GNG4: variants seen among roughly 807,000 people sequenced by gnomAD.
The protein encoded by GNG4 is guanine nucleotide-binding protein G(I)/G(S)/G(O) subunit gamma-4.
Under a neutral mutation model 5.8 loss-of-function variants are expected in GNG4, and 4 were observed. The observed-to-expected ratio is 0.69, with a 90% CI of 0.34 to 1.57. GNG4 has a LOEUF of 1.57. GNG4 is among the 40% of genes most tolerant of loss of function. GNG4 has a pLI of 0.06. For synonymous variants in GNG4, 29 were observed against 32.9 expected, an observed-to-expected ratio of 0.88 and a Z score of 0.41; for missense variants, 96 against 95.1, an observed-to-expected ratio of 1.01 and a Z score of -0.04.
chr1:235,587,607 G>GTGTGTGTGA (rs1558486363), intron 2 of GNG4, among the ~76,000 whole-genome samples: 1 of 636 alleles, frequency 1.6e-3, no homozygotes, highest in African/African-American at 6.2e-3. Context: ...GGGAGGGCAT[G>GTGTGTGTGA]GGGTGGGGTG....
chr1:235,589,310 C>T lies in GNG4; in HGVS notation c.-10-5462G>A, dbSNP rs1243361401. ...AGCCAGGGCACAGCACAGTTCAGCT[C>T]GTGCCCAGAGAGAGAAAGAGTTAAG... On this transcript the variant is annotated intron_variant, in intron 2 of 3. Transcript: ENST00000391854. Among the ~76,000 whole-genome samples, 4 of 152,082 alleles carry T rather than the reference C, an allele frequency of 2.6e-5. No homozygotes were observed. In the South Asian group the frequency reaches 8.3e-4, roughly 32 times the overall value.
intron 1 of GNG4, among the ~76,000 whole-genome samples, chr1:235,598,496 C>A (rs1014085500): frequency 2.0e-5 from 3 of 152,156 alleles, no homozygotes; most frequent in African/African-American, 7.2e-5. Context: ...GTGATCCCAG[C>A]TATTCAGGAG....
chr1:235,559,358 C>T (rs537703759), intron 3 of GNG4, among the ~76,000 whole-genome samples: 5 of 152,268 alleles, frequency 3.3e-5, no homozygotes, highest in African/African-American at 9.6e-5. Flanking sequence ...TCAGTGGGAT[C>T]CTGGGGACAT....
At chr1:235,587,602 G>A (rs1558486341) in intron 2 of GNG4, among the ~76,000 whole-genome samples, 40 of 124,268 alleles carry the variant, frequency 3.2e-4, no homozygotes, top group Non-Finnish European at 3.8e-4. Context: ...AGTGTGGGAG[G>A]GCATGGGGTG....
At chr1:235,622,713 T>C (rs2102977560) in intron 1 of GNG4, among the ~76,000 whole-genome samples, 1 of 151,988 alleles carries the variant, frequency 6.6e-6, no homozygotes, top group East Asian at 1.9e-4. Context: ...AAACCCCGTC[T>C]CTACTAAAAA....
intron 1 of GNG4, among the ~76,000 whole-genome samples, chr1:235,600,923 C>G (rs1017654306): frequency 1.4e-4 from 21 of 152,206 alleles, no homozygotes; most frequent in Non-Finnish European, 2.6e-4. Flanking sequence ...CTTCTGTGCC[C>G]CCATTGCCAA....
chr1:235,582,478 C>A (rs992903283), intron 3 of GNG4, among the ~76,000 whole-genome samples: 1 of 152,232 alleles, frequency 6.6e-6, no homozygotes, highest in Non-Finnish European at 1.5e-5. Flanking sequence ...GTCGCCTTCA[C>A]ATTTCTCTCC....
In GNG4 at chr1:235,649,342, C is replaced by A. The variant is rs939298539; in HGVS notation, c.-123+320G>T. ...TGACCTACAAATGGAAGAGGGGACC[C>A]CCGAGCCCCCGCCTGCCTCATGCCG... On this transcript the variant is annotated intron_variant, in intron 1 of 3. Coordinates refer to ENST00000391854, the MANE Select transcript of GNG4 (RefSeq NM_001098722.2). This position sits in a 1 kb window ranked among gnomAD's most constrained non-coding sequence, Gnocchi z 5.7. 1.3e-5 allele frequency among the ~76,000 whole-genome samples: 2 copies of A among 152,178 alleles called. No individual in the cohort carries two copies. Among genetic ancestry groups the A allele is most frequent in the African/African-American group, 4.8e-5 (2 of 41,462 alleles).
intron 3 of GNG4, among the ~76,000 whole-genome samples, chr1:235,569,811 C>A (rs1469864451): frequency 6.6e-6 from 1 of 152,104 alleles, no homozygotes; most frequent in Non-Finnish European, 1.5e-5. Flanking sequence ...GGTGATCCGT[C>A]CGCCTCGGCC....
At chr1:235,611,771 G>C (rs1037385394) in intron 1 of GNG4, among the ~76,000 whole-genome samples, 1 of 152,144 alleles carries the variant, frequency 6.6e-6, no homozygotes, top group African/African-American at 2.4e-5. Flanking sequence ...CAGTATATAT[G>C]ATGAAGTATT....
At chr1:235,639,591 T>G (rs915033752) in intron 1 of GNG4, among the ~76,000 whole-genome samples, 6 of 152,154 alleles carry the variant, frequency 3.9e-5, no homozygotes, top group Non-Finnish European at 7.4e-5. Context: ...TCGCCCAGGC[T>G]GGAGTGCAGT....
chr1:235,571,422 G>A (rs113746622), intron 3 of GNG4, among the ~76,000 whole-genome samples: 5,220 of 152,272 alleles, frequency 0.034, 130 homozygotes, highest in Middle Eastern at 0.092. Flanking sequence ...GGACTGCTGT[G>A]AGAATTGAAT....
intron 2 of GNG4, among the ~76,000 whole-genome samples, chr1:235,594,988 C>A (rs914002): frequency 0.37 from 56,729 of 152,012 alleles, 11,399 homozygotes; most frequent in East Asian, 0.79. Context: ...GCTTAAACTG[C>A]GAGTGGGGAG....
chr1:235,613,965 C>T (rs752000446), intron 1 of GNG4, among the ~76,000 whole-genome samples: 3 of 152,184 alleles, frequency 2.0e-5, no homozygotes, highest in Non-Finnish European at 4.4e-5. Flanking sequence ...AGGTGTGAGT[C>T]ACCACGACTG....
chr1:235,595,269 AGT>A (rs1457500382), intron 2 of GNG4, 129 bp downstream of exon 2: 1 of 152,462 alleles, frequency 6.6e-6, no homozygotes, highest in Non-Finnish European at 1.5e-5. Flanking sequence ...GCTAGAAGAA[AGT>A]GATGCTGTGA....
intron 3 of GNG4, among the ~76,000 whole-genome samples, chr1:235,574,567 CATTT>C (rs1232093527): frequency 5.9e-5 from 9 of 151,448 alleles, no homozygotes; most frequent in African/African-American, 2.2e-4. Context: ...GAGCCACTCT[CATTT>C]ATTTATGGTT....
chr1:235,569,844 G>A (rs1385258184), intron 3 of GNG4, among the ~76,000 whole-genome samples: 1 of 152,176 alleles, frequency 6.6e-6, no homozygotes, highest in Non-Finnish European at 1.5e-5. Context: ...GGGATAACAG[G>A]TGCGAGCCAC....
chr1:235,629,249 A>G (rs1688886570), intron 1 of GNG4, among the ~76,000 whole-genome samples: 1 of 151,942 alleles, frequency 6.6e-6, no homozygotes, highest in South Asian at 2.1e-4. Flanking sequence ...AACTGGCTTC[A>G]AGCCATCCTC....
intron 1 of GNG4, among the ~76,000 whole-genome samples, chr1:235,630,561 G>A (rs1168000908): frequency 1.3e-5 from 2 of 152,212 alleles, no homozygotes; most frequent in Non-Finnish European, 2.9e-5. Flanking sequence ...GCCTGAGACA[G>A]CAATTCAAGG....
Sources: allele counts gnomAD v4.1 joint callset (sites outside exome capture counted in the v4.1 genomes callset), GRCh38; gene constraint gnomAD v4.1.1; non-coding constraint Gnocchi (gnomAD v3.1); transcripts MANE v1.5; gene names NCBI Gene and HGNC (gene_info 2026-07-23, HGNC 2026-07-21).